The following NETO1 variants were observed in gnomAD, a reference collection of about 807,000 sequenced individuals.
The protein encoded by NETO1 is neuropilin and tolloid-like protein 1.
NETO1 carries 26 observed loss-of-function variants against 61.3 expected under a neutral mutation model. The ratio of observed to expected loss-of-function variants is 0.42; its 90% CI spans 0.31 to 0.59. The LOEUF is 0.59. Ranked by LOEUF, NETO1 falls within the 20% of genes least tolerant of loss-of-function variation. NETO1 has a pLI of 0.12. For missense variants in NETO1, 531 were observed against 662.8 expected, an observed-to-expected ratio of 0.80 and a Z score of 2.18; for synonymous variants, 225 against 225.8, an observed-to-expected ratio of 1.00 and a Z score of 0.03.
chr18:72,787,767 G>A (rs755925884), intron 6 of NETO1, among the ~76,000 whole-genome samples: 27 of 152,142 alleles, frequency 1.8e-4, no homozygotes, highest in Non-Finnish European at 5.9e-5. Flanking sequence ...AGTCAGATGT[G>A]CCTAACACCC....
At chr18:72,848,983 C>T (rs2074172096) in intron 4 of NETO1, among the ~76,000 whole-genome samples, 1 of 152,160 alleles carries the variant, frequency 6.6e-6, no homozygotes, top group South Asian at 2.1e-4. Flanking sequence ...TAGATAATCT[C>T]ATCCTATTTT....
intron 4 of NETO1, among the ~76,000 whole-genome samples, chr18:72,828,064 A>C (rs1224510934): frequency 6.6e-6 from 1 of 152,102 alleles, no homozygotes; most frequent in Non-Finnish European, 1.5e-5. Flanking sequence ...TGTAATCCCA[A>C]CACTTTGTGA....
At chr18:72,761,426 A>AT (rs2070968866) in intron 7 of NETO1, among the ~76,000 whole-genome samples, 1 of 152,224 alleles carries the variant, frequency 6.6e-6, no homozygotes, top group Non-Finnish European at 1.5e-5. Context: ...GTACTACTTA[A>AT]TAGGAGGAAG....
chr18:72,783,235 T>A (rs2071801920), intron 7 of NETO1, among the ~76,000 whole-genome samples: 1 of 152,224 alleles, frequency 6.6e-6, no homozygotes, highest in South Asian at 2.1e-4. Flanking sequence ...CCTTACCTAC[T>A]TTAATTGGAA....
intron 4 of NETO1, chr18:72,834,516 T>C (rs2073680686): frequency 5.2e-6 from 5 of 964,438 alleles, no homozygotes; most frequent in Non-Finnish European, 6.2e-6. Context: ...TCAACTATTC[T>C]GAATATTAAT....
intron 3 of NETO1, among the ~76,000 whole-genome samples, chr18:72,859,972 T>G (rs1303398674): frequency 6.6e-6 from 1 of 152,146 alleles, no homozygotes; most frequent in Non-Finnish European, 1.5e-5. Context: ...GAGTGTATAT[T>G]CATAAATGTT....
chr18:72,794,209 C>G lies in NETO1; in HGVS notation c.547G>C (p.Val183Leu). Reference sequence around the variant, plus strand: ...TCCTTCATAATTTGTATAGACTCCACAATTCCTTCGGAACCGCCCATCTCA... The same window carrying G: ...TCCTTCATAATTTGTATAGACTCCAGAATTCCTTCGGAACCGCCCATCTCA... Reference protein sequence around the residue: ...EFEMGGSEGIVESIQIMKEGK... With the variant: ...EFEMGGSEGILESIQIMKEGK... The change falls in exon 6 of 11, where the codon GTG becomes CTG. Residue 183 changes from valine to leucine, a missense_variant. Val to Leu is a conservative substitution (Grantham distance 32). Transcript: ENST00000327305. 6.2e-7 allele frequency: 1 copy of G among 1,614,210 alleles called. No individual in the cohort carries two copies. Among genetic ancestry groups the G allele is most frequent in the Non-Finnish European group, 8.5e-7 (1 of 1,180,032 alleles).
chr18:72,827,975 T>G (rs760821790), intron 4 of NETO1, among the ~76,000 whole-genome samples: 16 of 152,192 alleles, frequency 1.1e-4, no homozygotes, highest in Non-Finnish European at 2.2e-4. Flanking sequence ...GAACAAGCCA[T>G]ATTTGGAGGA....
At position 72,748,062 on chromosome 18, in the gene NETO1, T is replaced by C. The variant is rs2070471319; in HGVS notation, c.*117A>G. The C allele has an allele frequency of 3.7e-6, 3 of 806,732 alleles. No individual in the cohort carries two copies. In the African/African-American group the frequency reaches 5.6e-5, roughly 15 times the overall value. The allele number at this position is 806,732 out of a possible 1,614,324, so 50.0% of individuals were successfully genotyped here. The stretch of plus-strand genomic sequence containing the variant: ...TAACAAATGTCTGTAATTCTTAAGT[T>C]TGGATAAAGGCAGTGGAATGAATTT... On this transcript the variant is annotated 3_prime_UTR_variant, in exon 11 of 11. Coordinates refer to ENST00000327305, the MANE Select transcript of NETO1 (RefSeq NM_138966.5).
intron 4 of NETO1, among the ~76,000 whole-genome samples, chr18:72,805,743 G>A (rs1330295182): frequency 6.6e-6 from 1 of 152,024 alleles, no homozygotes; most frequent in East Asian, 1.9e-4. Context: ...TGGTCTACTG[G>A]GCCTGTCTGG....
chr18:72,832,636 GCTT>G (rs765290327), intron 4 of NETO1, among the ~76,000 whole-genome samples: 9 of 152,114 alleles, frequency 5.9e-5, no homozygotes, highest in Non-Finnish European at 8.8e-5. Flanking sequence ...ACATTTTCTG[GCTT>G]CTTAGTGTCA....
At chr18:72,800,550 G>A (rs1310926311) in intron 4 of NETO1, among the ~76,000 whole-genome samples, 1 of 152,118 alleles carries the variant, frequency 6.6e-6, no homozygotes, top group African/African-American at 2.4e-5. Context: ...CTACATTATG[G>A]TGAGTTGTAT....
intron 7 of NETO1, among the ~76,000 whole-genome samples, chr18:72,774,560 C>T (rs8083136): frequency 0.3 from 46,202 of 151,870 alleles, 8,219 homozygotes; most frequent in South Asian, 0.48. Context: ...AAGTAAAATA[C>T]GGCACACTTC....
intron 7 of NETO1, among the ~76,000 whole-genome samples, chr18:72,762,985 A>C (rs1425032470): frequency 2.0e-5 from 3 of 152,212 alleles, no homozygotes; most frequent in Non-Finnish European, 4.4e-5. Context: ...TTGTTTTTTA[A>C]TGTGAAAGGT....
intron 7 of NETO1, among the ~76,000 whole-genome samples, chr18:72,758,264 A>G (rs72962363): frequency 0.017 from 2,590 of 152,204 alleles, 23 homozygotes; most frequent in Middle Eastern, 0.027. Context: ...AGAATGCAAT[A>G]AGTAATTCAG....
chr18:72,823,930 T>C (rs969831862), intron 4 of NETO1, among the ~76,000 whole-genome samples: 3 of 151,990 alleles, frequency 2.0e-5, no homozygotes, highest in Non-Finnish European at 2.9e-5. Flanking sequence ...CGATACACAA[T>C]GTCCTAGACA....
intron 4 of NETO1, among the ~76,000 whole-genome samples, chr18:72,831,630 A>G (rs759196310): frequency 2.0e-5 from 3 of 152,220 alleles, no homozygotes; most frequent in Non-Finnish European, 4.4e-5. Context: ...TGGTGATTCT[A>G]TGTCTCAAAT....
intron 7 of NETO1, among the ~76,000 whole-genome samples, chr18:72,759,728 A>G (rs1283038596): frequency 1.3e-5 from 2 of 152,180 alleles, no homozygotes; most frequent in Admixed American, 6.5e-5. Flanking sequence ...ACTATTTCTG[A>G]CAAAGCACAT....
At chr18:72,775,751 A>G (rs2071525587) in intron 7 of NETO1, among the ~76,000 whole-genome samples, 1 of 152,230 alleles carries the variant, frequency 6.6e-6, no homozygotes, top group African/African-American at 2.4e-5. Context: ...GAAATCATGG[A>G]TTAGGAGTCA....
Sources: allele counts gnomAD v4.1 joint callset (sites outside exome capture counted in the v4.1 genomes callset), GRCh38; gene constraint gnomAD v4.1.1; transcripts MANE v1.5; gene names NCBI Gene and HGNC (gene_info 2026-07-23, HGNC 2026-07-21).